The following GOLIM4 variants were observed in gnomAD, a reference collection of about 807,000 sequenced individuals.
The protein encoded by GOLIM4 is 130 kDa golgi-localized phosphoprotein.
A neutral mutation model predicts 107.4 loss-of-function variants in GOLIM4; 71 were observed. That is an observed-to-expected ratio of 0.66 (90% CI 0.55 to 0.81). The LOEUF is 0.81. Among genes scored for constraint, GOLIM4 ranks in the 30% least tolerant of loss-of-function variants. The pLI is 0.00. For synonymous variants in GOLIM4, 327 were observed against 294.8 expected (o/e 1.11, Z -1.12); for missense variants, 830 against 826.1 (o/e 1.00, Z -0.06).
chr3:168,084,302 A>G (rs1257245983), intron 1 of GOLIM4, among the ~76,000 whole-genome samples: 1 of 152,168 alleles, frequency 6.6e-6, no homozygotes, highest in Non-Finnish European at 1.5e-5. Flanking sequence ...GAGTCAACTA[A>G]GCCTATTTTC....
intron 1 of GOLIM4, among the ~76,000 whole-genome samples, chr3:168,050,839 T>TAAC (rs1300821164): frequency 9.6e-6 from 1 of 104,216 alleles, no homozygotes; most frequent in Non-Finnish European, 2.3e-5. Flanking sequence ...ATAATAATAA[T>TAAC]AATAATAATA....
chr3:168,067,414 T>A (rs764508950), intron 1 of GOLIM4, among the ~76,000 whole-genome samples: 6 of 151,196 alleles, frequency 4.0e-5, no homozygotes, highest in Non-Finnish European at 8.9e-5. Flanking sequence ...TAGCTTTTCC[T>A]CAGGGGCCAC....
chr3:168,025,174 T>G, intron 12 of GOLIM4, 79 bp from the exon 13 acceptor site: 1 of 1,127,386 alleles, frequency 8.9e-7, no homozygotes, highest in Non-Finnish European at 1.3e-6. Context: ...GGCTGCCCAC[T>G]GGCAGAAAAT....
chr3:168,069,982 C>T (rs1720753941), intron 1 of GOLIM4, among the ~76,000 whole-genome samples: 2 of 152,028 alleles, frequency 1.3e-5, no homozygotes, highest in South Asian at 2.1e-4. Flanking sequence ...AACTTGTTTT[C>T]CTAGAAGTTG....
At chr3:168,048,784 T>C (rs1323774611) in intron 1 of GOLIM4, among the ~76,000 whole-genome samples, 2 of 152,156 alleles carry the variant, frequency 1.3e-5, no homozygotes, top group African/African-American at 2.4e-5. Context: ...TCTAGAAGGG[T>C]ATTTTCTCCT....
chr3:168,047,032 A>G (rs77249029), intron 2 of GOLIM4, 33 bp from the exon 3 acceptor site: 177,929 of 974,744 alleles, frequency 0.18, 17,113 homozygotes, highest in Middle Eastern at 0.23. Flanking sequence ...AAACAGTGAT[A>G]ATTCACTACA....
chr3:168,089,078 A>T (rs376400861), intron 1 of GOLIM4, among the ~76,000 whole-genome samples: 1 of 152,246 alleles, frequency 6.6e-6, no homozygotes, highest in African/African-American at 2.4e-5. Flanking sequence ...ATACATATTC[A>T]AAAGAATGCT....
chr3:168,043,561 C>G, intron 4 of GOLIM4, 32 bp from the exon 5 acceptor site: 1 of 1,558,478 alleles, frequency 6.4e-7, no homozygotes, highest in Non-Finnish European at 8.7e-7. Flanking sequence ...TAGAAATATA[C>G]ATTCTCTGAA....
chr3:168,087,028 G>A (rs151181765), intron 1 of GOLIM4, among the ~76,000 whole-genome samples: 1 of 152,276 alleles, frequency 6.6e-6, no homozygotes, highest in Non-Finnish European at 1.5e-5. Context: ...GTAAAATTCA[G>A]TGTCTGTATC....
chr3:168,034,037 C>T (rs754187969), intron 8 of GOLIM4, among the ~76,000 whole-genome samples: 1 of 152,028 alleles, frequency 6.6e-6, no homozygotes, highest in East Asian at 1.9e-4. Flanking sequence ...AATGTGAAAT[C>T]CTATTCTTAA....
At chr3:168,079,084 G>T (rs1046521154) in intron 1 of GOLIM4, among the ~76,000 whole-genome samples, 1 of 152,036 alleles carries the variant, frequency 6.6e-6, no homozygotes, top group African/African-American at 2.4e-5. Flanking sequence ...TGTTGCATTA[G>T]CTTAAAATAG....
At chr3:168,077,970 T>C (rs1577570979) in intron 1 of GOLIM4, among the ~76,000 whole-genome samples, 1 of 152,066 alleles carries the variant, frequency 6.6e-6, no homozygotes, top group African/African-American at 2.4e-5. Context: ...ATACTCTAGA[T>C]ATATTTATTT....
chr3:168,047,706 G>A (rs185979069), intron 2 of GOLIM4, among the ~76,000 whole-genome samples: 1 of 152,144 alleles, frequency 6.6e-6, no homozygotes, highest in South Asian at 2.1e-4. Context: ...AGCTGTATAA[G>A]GCCTGTGTTT....
At chr3:168,012,470 A>T (rs1717104141) in intron 14 of GOLIM4, among the ~76,000 whole-genome samples, 1 of 147,094 alleles carries the variant, frequency 6.8e-6, no homozygotes, top group Non-Finnish European at 1.5e-5. Context: ...ACTCTGCAGG[A>T]TATTATCCAG....
chr3:168,062,907 G>A (rs992362728), intron 1 of GOLIM4, among the ~76,000 whole-genome samples: 4 of 152,164 alleles, frequency 2.6e-5, no homozygotes, highest in African/African-American at 9.7e-5. Context: ...CAGCTCCAAG[G>A]CGGAGGGAGT....
At chr3:168,080,570 A>G (rs1018315914) in intron 1 of GOLIM4, among the ~76,000 whole-genome samples, 1 of 152,156 alleles carries the variant, frequency 6.6e-6, no homozygotes, top group African/African-American at 2.4e-5. Flanking sequence ...CTTCATTGAT[A>G]AACTAAAAAT....
intron 1 of GOLIM4, among the ~76,000 whole-genome samples, chr3:168,076,690 C>T (rs1721100897): frequency 6.8e-6 from 1 of 147,092 alleles, no homozygotes; most frequent in Non-Finnish European, 1.5e-5. Flanking sequence ...GACTCCATCT[C>T]AATCAATCAA....
intron 14 of GOLIM4, among the ~76,000 whole-genome samples, chr3:168,013,400 G>A (rs1717171622): frequency 1.3e-5 from 2 of 151,936 alleles, no homozygotes; most frequent in African/African-American, 4.8e-5. Flanking sequence ...CAAATCCTGA[G>A]TGACCTACAA....
chr3:168,090,807 G>GTA (rs1285762064), intron 1 of GOLIM4, among the ~76,000 whole-genome samples: 1 of 152,144 alleles, frequency 6.6e-6, no homozygotes, highest in East Asian at 1.9e-4. Context: ...AGAAAATGTG[G>GTA]TATATATACA....
Sources: gnomAD v4.1 joint callset for allele counts (sites outside exome capture counted in the v4.1 genomes callset) on GRCh38, gnomAD v4.1.1 for gene constraint, MANE v1.5 for transcripts, NCBI Gene and HGNC (gene_info 2026-07-23, HGNC 2026-07-21) for gene names.